The following CDH12 variants were observed in gnomAD, a reference collection of about 807,000 sequenced individuals.
The protein encoded by CDH12 is cadherin 12, also known as cadherin-12.
In CDH12, 41 loss-of-function variants were observed where a neutral mutation model predicts 74.1. That is an observed-to-expected ratio of 0.55 (90% CI 0.43 to 0.72). The LOEUF is 0.72. Among genes scored for constraint, CDH12 ranks in the 30% least tolerant of loss-of-function variants. The pLI is 0.00. For missense variants in CDH12, 945 were observed against 977.2 expected (o/e 0.97, Z 0.44); for synonymous variants, 399 against 355.0 (o/e 1.12, Z -1.39).
intron 2 of CDH12, among the ~76,000 whole-genome samples, chr5:22,464,015 C>T (rs1230678918): frequency 1.3e-5 from 2 of 152,172 alleles, no homozygotes; most frequent in East Asian, 3.9e-4. Flanking sequence ...TCCCAGAGTT[C>T]CCATGTGTCT....
chr5:22,452,901 A>AAAAAAAAAAAT (rs1561415313), intron 2 of CDH12, among the ~76,000 whole-genome samples: 9 of 125,924 alleles, frequency 7.1e-5, no homozygotes, highest in Admixed American at 2.2e-4. Flanking sequence ...AAAAAAAAAA[A>AAAAAAAAAAAT]AAATGAGTTA....
At chr5:22,283,935 T>G (rs899210539) in intron 3 of CDH12, among the ~76,000 whole-genome samples, 2 of 152,160 alleles carry the variant, frequency 1.3e-5, no homozygotes, top group Non-Finnish European at 2.9e-5. Context: ...TTGTTGGTGA[T>G]GCACACATAA....
intron 12 of CDH12, among the ~76,000 whole-genome samples, chr5:21,761,777 AGATAGATG>A (rs1744740500): frequency 1.3e-5 from 2 of 152,026 alleles, no homozygotes; most frequent in African/African-American, 4.8e-5. Flanking sequence ...ATAGATAGAT[AGATAGATG>A]ATAGATATCA....
chr5:22,263,455 T>C (rs970741394), intron 3 of CDH12, among the ~76,000 whole-genome samples: 1 of 152,106 alleles, frequency 6.6e-6, no homozygotes, highest in East Asian at 1.9e-4. Flanking sequence ...AAAGCTATTA[T>C]AAAGTATTTA....
intron 2 of CDH12, among the ~76,000 whole-genome samples, chr5:22,460,001 A>G (rs1745437529): frequency 6.6e-6 from 1 of 152,088 alleles, no homozygotes; most frequent in South Asian, 2.1e-4. Context: ...AGAAATCACT[A>G]TCTAATTCAT....
At chr5:21,883,976 A>C in intron 6 of CDH12, 8 of 1,599,082 alleles carry the variant, frequency 5.0e-6, no homozygotes, top group Non-Finnish European at 2.6e-6. Context: ...AAGATCAAAA[A>C]ATTGGTATGG....
At chr5:22,668,702 G>T (rs1319621475) in intron 1 of CDH12, among the ~76,000 whole-genome samples, 1 of 152,148 alleles carries the variant, frequency 6.6e-6, no homozygotes, top group African/African-American at 2.4e-5. Flanking sequence ...GAGCCTTCAT[G>T]ATTTAACCCA....
At chr5:22,405,193 G>T in intron 3 of CDH12, 64 bp downstream of exon 3, 1 of 366,170 alleles carries the variant, frequency 2.7e-6, no homozygotes, top group Non-Finnish European at 3.8e-6. Context: ...CTGGGTGAAA[G>T]AGTGAAACTG....
intron 3 of CDH12, among the ~76,000 whole-genome samples, chr5:22,341,291 C>T (rs543366992): frequency 5.3e-5 from 8 of 152,140 alleles, no homozygotes; most frequent in African/African-American, 1.9e-4. Flanking sequence ...AAAGACCAGC[C>T]TGGGCAACAC....
intron 2 of CDH12, among the ~76,000 whole-genome samples, chr5:22,411,800 C>T (rs115288665): frequency 0.013 from 1,971 of 151,998 alleles, 40 homozygotes; most frequent in African/African-American, 0.045. Context: ...GGAAAATAAT[C>T]ATTTTAGAGG....
rs75386220 is a variant in CDH12 at position 21,889,939 on chromosome 5, A to G, written c.527-35149T>C. On this transcript the variant is annotated intron_variant, in intron 6 of 14. Coordinates refer to ENST00000382254, the MANE Select transcript of CDH12 (RefSeq NM_004061.5). ...ACTTTTATTGCTTACAGAATCAGGT[A>G]AAAAAACATCAGCTGTAGTCTAAGA... 223 of 665,384 alleles carry G rather than the reference A, an allele frequency of 3.4e-4. No individual in the cohort carries two copies. In the African/African-American group the frequency reaches 4.2e-3, roughly 13 times the overall value. 41.2% of individuals were successfully genotyped at this position (665,384 alleles called of 1,614,324 possible). A position where few individuals can be genotyped will look rare whatever the true frequency, so the allele number is the denominator to read the frequency against.
At chr5:21,985,498 A>C (rs1354816201) in intron 5 of CDH12, among the ~76,000 whole-genome samples, 1 of 152,264 alleles carries the variant, frequency 6.6e-6, no homozygotes, top group Middle Eastern at 3.4e-3. Flanking sequence ...ACCATTCTTG[A>C]AATCTATGAT....
intron 1 of CDH12, among the ~76,000 whole-genome samples, chr5:22,656,378 T>C (rs543534798): frequency 6.6e-4 from 101 of 152,286 alleles, no homozygotes; most frequent in Middle Eastern, 6.8e-3. Context: ...ACATTTACAA[T>C]TGAAAATTTC....
intron 11 of CDH12, among the ~76,000 whole-genome samples, chr5:21,772,608 A>C (rs969502524): frequency 1.3e-5 from 2 of 152,148 alleles, no homozygotes; most frequent in African/African-American, 4.8e-5. Flanking sequence ...AGTTTATACT[A>C]AGAAGTATGA....
At chr5:22,000,093 G>A (rs1429587013) in intron 5 of CDH12, among the ~76,000 whole-genome samples, 1 of 151,760 alleles carries the variant, frequency 6.6e-6, no homozygotes, top group African/African-American at 2.4e-5. Flanking sequence ...GTAGAAATGT[G>A]ACTCCTGCTA....
At chr5:22,743,534 C>T (rs1417181353) in intron 1 of CDH12, among the ~76,000 whole-genome samples, 1 of 151,848 alleles carries the variant, frequency 6.6e-6, no homozygotes, top group Non-Finnish European at 1.5e-5. Flanking sequence ...AGATTTTTAG[C>T]ATTCTCATTT....
At chr5:21,941,583 G>A (rs1220366966) in intron 6 of CDH12, among the ~76,000 whole-genome samples, 3 of 151,564 alleles carry the variant, frequency 2.0e-5, no homozygotes, top group Non-Finnish European at 4.4e-5. Context: ...ATAAGTAATT[G>A]TGTACTTAGA....
intron 9 of CDH12, among the ~76,000 whole-genome samples, chr5:21,816,109 C>A (rs1044691591): frequency 6.6e-6 from 1 of 151,930 alleles, no homozygotes; most frequent in Non-Finnish European, 1.5e-5. Flanking sequence ...TTGGACTGTG[C>A]AGGGCCACTT....
rs986731 is a variant in CDH12 at position 21,918,142 on chromosome 5, T to A, written c.526+56949A>T. ...ATATATGCTGATACACTGCTATTTT[T>A]AAAAGATTTTTCACATGTTTCACTG... On this transcript the variant is annotated intron_variant, in intron 6 of 14. Transcript: ENST00000382254. Among the ~76,000 whole-genome samples, 36 of 72,554 alleles carry A rather than the reference T, an allele frequency of 5.0e-4. 1 individual carries two copies. In the South Asian group the frequency reaches 0.014, roughly 29 times the overall value. 47.6% of individuals were successfully genotyped at this position (72,554 alleles called of 152,430 possible). A position where few individuals can be genotyped will look rare whatever the true frequency, so the allele number is the denominator to read the frequency against.
Sources: allele counts gnomAD v4.1 joint callset (sites outside exome capture counted in the v4.1 genomes callset), GRCh38; gene constraint gnomAD v4.1.1; transcripts MANE v1.5; gene names NCBI Gene and HGNC (gene_info 2026-07-23, HGNC 2026-07-21).